GNAQ: variants seen among roughly 807,000 people sequenced by gnomAD.
The protein encoded by GNAQ is G protein subunit alpha q, also known as guanine nucleotide-binding protein G(q) subunit alpha.
GNAQ carries 8 observed loss-of-function variants against 43.9 expected under a neutral mutation model. The ratio of observed to expected loss-of-function variants is 0.18; its 90% CI spans 0.11 to 0.33. The LOEUF (loss-of-function observed/expected upper bound fraction) is 0.33, where lower values mean the gene tolerates loss of function less well. Among genes scored for constraint, GNAQ ranks in the 10% least tolerant of loss-of-function variants. GNAQ has a pLI of 1.00. For missense variants in GNAQ, 158 were observed against 450.8 expected (o/e 0.35, Z 5.88); for synonymous variants, 155 against 170.7 (o/e 0.91, Z 0.71).
intron 5 of GNAQ, among the ~76,000 whole-genome samples, chr9:77,785,987 C>G (rs1826470223): frequency 6.6e-6 from 1 of 152,044 alleles, no homozygotes; most frequent in South Asian, 2.1e-4. Flanking sequence ...ATAGCAGAAG[C>G]AGATCAACCA....
At chr9:77,774,161 T>A (rs1195327376) in intron 5 of GNAQ, among the ~76,000 whole-genome samples, 1 of 152,190 alleles carries the variant, frequency 6.6e-6, no homozygotes, top group African/African-American at 2.4e-5. Context: ...TTACACTCTC[T>A]GCATTTGTTC....
Position 77,797,657 on chromosome 9 carries a change from G to C in GNAQ, c.477-9C>G. On this transcript the variant is annotated splice_polypyrimidine_tract_variant and intron_variant, in intron 3 of 6. Coordinates refer to ENST00000286548, the MANE Select transcript of GNAQ (RefSeq NM_002072.5). ...CCAAGTCATTAAGATAGCTAGAGGA[G>C]GGAAGACACAATGAGAATGTCAGTG... 6.2e-7 allele frequency: 1 copy of C among 1,611,732 alleles called. No individual in the cohort carries two copies. The highest frequency in any genetic ancestry group is 8.5e-7 in the Non-Finnish European group (1 of 1,178,720).
intron 2 of GNAQ, among the ~76,000 whole-genome samples, chr9:77,880,655 A>AT (rs1828194204): frequency 6.6e-6 from 1 of 151,454 alleles, no homozygotes; most frequent in African/African-American, 2.4e-5. Flanking sequence ...TTAATTGCAC[A>AT]TGGCACCCCA....
intron 2 of GNAQ, among the ~76,000 whole-genome samples, chr9:77,863,179 A>AAAGCAAGGAAGGAAGGAAGG (rs1345249136): frequency 2.3e-5 from 3 of 130,030 alleles, no homozygotes; most frequent in Admixed American, 8.1e-5. Context: ...CGTATGAAAG[A>AAAGCAAGGAAGGAAGGAAGG]AAGGAAGGAA....
At chr9:77,871,894 A>C (rs1462609951) in intron 2 of GNAQ, among the ~76,000 whole-genome samples, 1 of 152,190 alleles carries the variant, frequency 6.6e-6, no homozygotes, top group Non-Finnish European at 1.5e-5. Flanking sequence ...TGGTTTCATA[A>C]ATGACCACAT....
chr9:77,743,682 G>A (rs1298223488), intron 5 of GNAQ, among the ~76,000 whole-genome samples: 6 of 151,812 alleles, frequency 4.0e-5, no homozygotes, highest in African/African-American at 1.2e-4. Flanking sequence ...TGATAGCTAT[G>A]CCATACTTGT....
At chr9:77,748,024 G>A (rs1274243905) in intron 5 of GNAQ, among the ~76,000 whole-genome samples, 1 of 152,114 alleles carries the variant, frequency 6.6e-6, no homozygotes, top group African/African-American at 2.4e-5. Flanking sequence ...GCATAGAGAG[G>A]GGTGGTCAGG....
At chr9:77,987,675 C>A (rs1193904115) in intron 1 of GNAQ, among the ~76,000 whole-genome samples, 1 of 152,078 alleles carries the variant, frequency 6.6e-6, no homozygotes, top group Non-Finnish European at 1.5e-5. Flanking sequence ...TAGCAATACA[C>A]AATATAGACA....
intron 5 of GNAQ, among the ~76,000 whole-genome samples, chr9:77,740,559 T>C (rs990804437): frequency 1.3e-5 from 2 of 152,220 alleles, no homozygotes; most frequent in African/African-American, 2.4e-5. Context: ...ACAAAATACA[T>C]AAAATATTCT....
intron 5 of GNAQ, among the ~76,000 whole-genome samples, chr9:77,790,055 G>T (rs1171827794): frequency 6.6e-6 from 1 of 152,100 alleles, no homozygotes; most frequent in Non-Finnish European, 1.5e-5. Context: ...GAGGAAAGAG[G>T]TTAAATATTA....
rs538508415 is a variant in GNAQ, at chr9:77,719,168, A to G, written c.*2155T>C. 11 of 231,946 alleles carry G rather than the reference A, an allele frequency of 4.7e-5. No homozygotes were observed. In the South Asian group the frequency reaches 2.0e-3, roughly 42 times the overall value. The allele number at this position is 231,946 out of a possible 1,614,324, so 14.4% of individuals were successfully genotyped here. On this transcript the variant is annotated 3_prime_UTR_variant, in exon 7 of 7. Coordinates refer to ENST00000286548, the MANE Select transcript of GNAQ (RefSeq NM_002072.5). ...GGAAAGAAAATATCCCTAGTCAGAA[A>G]TAAACTGACAAATTTACATTCTCCT...
At chr9:77,981,293 C>T (rs1211378033) in intron 1 of GNAQ, among the ~76,000 whole-genome samples, 1 of 152,110 alleles carries the variant, frequency 6.6e-6, no homozygotes, top group African/African-American at 2.4e-5. Flanking sequence ...ATTTAAAATG[C>T]TTTTAATCAT....
At chr9:77,767,410 C>T (rs1038393388) in intron 5 of GNAQ, among the ~76,000 whole-genome samples, 5 of 152,170 alleles carry the variant, frequency 3.3e-5, no homozygotes, top group Non-Finnish European at 7.3e-5. Flanking sequence ...CTGCTGAGAA[C>T]CACTGCTCTG....
chr9:77,990,926 C>T (rs1466305042), intron 1 of GNAQ, among the ~76,000 whole-genome samples: 1 of 152,180 alleles, frequency 6.6e-6, no homozygotes, highest in East Asian at 1.9e-4. Context: ...CTTATTTATA[C>T]ATACGAAAGA....
rs34924714 is a variant in GNAQ at position 77,853,774 on chromosome 9, CAAAAAA to C, written c.322-38010_322-38005del. ...TTTAGGATCTTTGTGAAATTACTAC[CAAAAAA>C]AAAAAAAAAAAAAAAAAAAACCCAC... On this transcript the variant is annotated intron_variant, in intron 2 of 6. Transcript: ENST00000286548. 5.1e-4 allele frequency among the ~76,000 whole-genome samples: 29 copies of C among 56,760 alleles called. No homozygotes were observed. The South Asian group carries it at 9.3e-3, about 18-fold the overall frequency. 37.2% of individuals were successfully genotyped at this position (56,760 alleles called of 152,430 possible). A position where few individuals can be genotyped will look rare whatever the true frequency, so the allele number is the denominator to read the frequency against.
chr9:77,891,497 T>C (rs1434201280), intron 2 of GNAQ, among the ~76,000 whole-genome samples: 3 of 152,180 alleles, frequency 2.0e-5, no homozygotes, highest in Non-Finnish European at 4.4e-5. Context: ...AAATTTCACG[T>C]TTAAGTTCCT....
At chr9:77,804,023 C>T (rs1302341628) in intron 3 of GNAQ, among the ~76,000 whole-genome samples, 1 of 152,132 alleles carries the variant, frequency 6.6e-6, no homozygotes, top group South Asian at 2.1e-4. Flanking sequence ...AATAATATGC[C>T]CAAATCAATA....
At chr9:77,987,680 T>C (rs900016846) in intron 1 of GNAQ, among the ~76,000 whole-genome samples, 1 of 152,074 alleles carries the variant, frequency 6.6e-6, no homozygotes, top group Non-Finnish European at 1.5e-5. Context: ...ATACACAATA[T>C]AGACAAAATC....
At chr9:77,781,930 G>C (rs1249310477) in intron 5 of GNAQ, among the ~76,000 whole-genome samples, 1 of 152,052 alleles carries the variant, frequency 6.6e-6, no homozygotes, top group Non-Finnish European at 1.5e-5. Flanking sequence ...TGAGAAACTA[G>C]AAGCTTTCTC....
Sources: gnomAD v4.1 joint callset for allele counts (sites outside exome capture counted in the v4.1 genomes callset) on GRCh38, gnomAD v4.1.1 for gene constraint, MANE v1.5 for transcripts, NCBI Gene and HGNC (gene_info 2026-07-23, HGNC 2026-07-21) for gene names.